Variants in NRG4 observed in about 807,000 individuals in gnomAD.
NRG4 encodes neuregulin 4.
A neutral mutation model predicts 15.0 loss-of-function variants in NRG4; 10 were observed. The ratio of observed to expected loss-of-function variants is 0.67; its 90% CI spans 0.41 to 1.13. NRG4 has a LOEUF of 1.13. Among genes scored for constraint, NRG4 ranks in the 50% most tolerant of loss-of-function variants. The pLI is 0.00. For synonymous variants in NRG4, 41 were observed against 50.1 expected, an observed-to-expected ratio of 0.82 and a Z score of 0.77; for missense variants, 139 against 140.2, an observed-to-expected ratio of 0.99 and a Z score of 0.04.
chr15:75,977,943 A>G lies in NRG4; in HGVS notation c.105-15969T>C, dbSNP rs1002330148. Among the ~76,000 whole-genome samples the G allele has an allele frequency of 6.6e-6, 1 of 151,812 alleles. No individual in the cohort carries two copies. The highest frequency in any genetic ancestry group is 6.6e-5 in the Admixed American group (1 of 15,230). On this transcript the variant is annotated intron_variant, in intron 3 of 5. Transcript: ENST00000394907. The surrounding 1 kb of genome is among the most constrained non-coding windows in gnomAD (Gnocchi z 4.9). Reference sequence around the variant, plus strand: ...GTGATTCTCCTGCCTCAGCCTCCCAAGTAGCTGGGATCACAGGTGCCTGCC... The same window carrying G: ...GTGATTCTCCTGCCTCAGCCTCCCAGGTAGCTGGGATCACAGGTGCCTGCC...
chr15:76,033,306 AG>A lies in NRG4; in HGVS notation c.-57+2637del. 1.3e-5 allele frequency among the ~76,000 whole-genome samples: 2 copies of A among 152,300 alleles called. 1 individual carries two copies. Among genetic ancestry groups the A allele is most frequent in the South Asian group, 4.1e-4 (2 of 4,830 alleles). Reference sequence around the variant, plus strand: ...TGTGGTGGCTCACGCCTGTCATCCTAGCACATTAGGGGACCAAGGCAGGAAG... The same window carrying A: ...TGTGGTGGCTCACGCCTGTCATCCTACACATTAGGGGACCAAGGCAGGAAG... On this transcript the variant is annotated intron_variant, in intron 5 of 8. Transcript: ENST00000563910.
intron 5 of NRG4, among the ~76,000 whole-genome samples, chr15:76,020,082 T>C (rs2035106313): frequency 6.6e-6 from 1 of 152,224 alleles, no homozygotes; most frequent in African/African-American, 2.4e-5. Flanking sequence ...TCTTTGATGT[T>C]ACTATTGTAA....
chr15:75,978,926 C>T (rs2033484709), intron 3 of NRG4, among the ~76,000 whole-genome samples: 1 of 152,124 alleles, frequency 6.6e-6, no homozygotes, highest in South Asian at 2.1e-4. Context: ...ACAATACTGC[C>T]ACTGCACAAA....
chr15:76,051,650 G>A (rs2036021713), intron 4 of NRG4, among the ~76,000 whole-genome samples: 1 of 146,914 alleles, frequency 6.8e-6, no homozygotes, highest in Non-Finnish European at 1.5e-5. Flanking sequence ...TGCAAGCTCC[G>A]CCTCCGGGGT....
chr15:75,943,913 C>T (rs941612407), intron 5 of NRG4, among the ~76,000 whole-genome samples: 12 of 152,064 alleles, frequency 7.9e-5, no homozygotes, highest in African/African-American at 2.7e-4. Flanking sequence ...CCACACCCCC[C>T]GCCCCTCACT....
chr15:76,054,817 GA>G (rs559563052), intron 2 of NRG4, among the ~76,000 whole-genome samples: 21 of 152,218 alleles, frequency 1.4e-4, no homozygotes, highest in African/African-American at 4.8e-4. Flanking sequence ...AAATTGTAAT[GA>G]AATTAACATT....
downstream of NRG4, chr15:75,939,311 A>G (rs1463871884): frequency 6.6e-6 from 1 of 152,186 alleles, no homozygotes; most frequent in African/African-American, 2.4e-5. Flanking sequence ...ACCTTCGACA[A>G]TCTAGATGAA....
intron 3 of NRG4, among the ~76,000 whole-genome samples, chr15:76,007,862 C>G (rs1276981557): frequency 6.6e-6 from 1 of 152,064 alleles, no homozygotes; most frequent in African/African-American, 2.4e-5. Context: ...AAGGTGACAC[C>G]TTTCTTCTTC....
chr15:76,050,101 T>G (rs1458549308), intron 4 of NRG4, among the ~76,000 whole-genome samples: 1 of 150,922 alleles, frequency 6.6e-6, no homozygotes, highest in African/African-American at 2.5e-5. Flanking sequence ...TCATTAGAAA[T>G]ATATCATGTT....
chr15:76,010,663 T>A (rs1304274039), intron 2 of NRG4, among the ~76,000 whole-genome samples: 1 of 152,100 alleles, frequency 6.6e-6, no homozygotes, highest in East Asian at 1.9e-4. Flanking sequence ...AATGCCATGC[T>A]TCTTCGTAAT....
At chr15:75,994,306 A>G (rs1224268713) in intron 3 of NRG4, among the ~76,000 whole-genome samples, 2 of 151,924 alleles carry the variant, frequency 1.3e-5, no homozygotes, top group Non-Finnish European at 2.9e-5. Context: ...TATAAAGCAC[A>G]TAAAGAACTC....
chr15:75,973,738 GC>G (rs1406385175), intron 3 of NRG4, among the ~76,000 whole-genome samples: 1 of 152,146 alleles, frequency 6.6e-6, no homozygotes, highest in African/African-American at 2.4e-5. Context: ...TGGTGGATAA[GC>G]TTTTTGATGT....
chr15:75,936,950 A>C, downstream of NRG4: 1 of 152,152 alleles, frequency 6.6e-6, no homozygotes, highest in East Asian at 1.9e-4. Context: ...AACAGGGAAG[A>C]TTGATTAATT....
At chr15:76,018,630 CCT>C (rs59615500) in intron 5 of NRG4, among the ~76,000 whole-genome samples, 5,621 of 152,242 alleles carry the variant, frequency 0.037, 178 homozygotes, top group African/African-American at 0.085. Flanking sequence ...CACTCCAGAC[CCT>C]GTTTGTCTGG....
chr15:76,036,885 G>A (rs2035607399), intron 4 of NRG4, among the ~76,000 whole-genome samples: 1 of 152,040 alleles, frequency 6.6e-6, no homozygotes, highest in Admixed American at 6.6e-5. Context: ...AGTCCTGGCT[G>A]GAGCAATTAG....
In NRG4 at chr15:75,977,475, T is replaced by C. The variant is rs556134881; in HGVS notation, c.105-15501A>G. Among the ~76,000 whole-genome samples the C allele has an allele frequency of 5.3e-5, 8 of 152,326 alleles. No homozygotes were observed. The East Asian group carries it at 1.5e-3, about 29-fold the overall frequency. On this transcript the variant is annotated intron_variant, in intron 3 of 5. Coordinates refer to ENST00000394907, the MANE Select transcript of NRG4 (RefSeq NM_138573.4). The surrounding 1 kb of genome is among the most constrained non-coding windows in gnomAD (Gnocchi z 4.9). ...AGGCACCCGAGGGAATCTCCTGGTC[T>C]GCGGGTTGCAAAGACCATGGGAAAA...
chr15:75,959,111 A>G (rs12913434), intron 4 of NRG4: 103,815 of 401,818 alleles, frequency 0.26, 15,671 homozygotes, highest in Non-Finnish European at 0.32. Context: ...CCTCCCAAGC[A>G]GCTAGGACTA....
intron 3 of NRG4, among the ~76,000 whole-genome samples, chr15:76,004,055 TTAATG>T (rs1192575802): frequency 6.6e-6 from 1 of 152,234 alleles, no homozygotes; most frequent in Non-Finnish European, 1.5e-5. Context: ...ATTTAAGAGA[TTAATG>T]TATTGAGACG....
Position 75,955,920 on chromosome 15 carries a change from G to T in NRG4, c.331+12C>A. On this transcript the variant is annotated intron_variant, in intron 5 of 5. Transcript: ENST00000394907. The stretch of plus-strand genomic sequence containing the variant: ...GGGTTTTAAAATAAGCATTTGTTTT[G>T]AGTTTACTCACTGTGGTGGGCACTG... 6.7e-7 allele frequency: 1 copy of T among 1,483,806 alleles called. No homozygotes were observed. The highest frequency in any genetic ancestry group is 9.4e-7 in the Non-Finnish European group (1 of 1,062,806). The allele number at this position is 1,483,806 out of a possible 1,614,324, so 91.9% of individuals were successfully genotyped here. A position where few individuals can be genotyped will look rare whatever the true frequency, so the allele number is the denominator to read the frequency against.
Sources: allele counts gnomAD v4.1 joint callset (sites outside exome capture counted in the v4.1 genomes callset), GRCh38; gene constraint gnomAD v4.1.1; non-coding constraint Gnocchi (gnomAD v3.1); transcripts MANE v1.5; gene names NCBI Gene and HGNC (gene_info 2026-07-23, HGNC 2026-07-21).